The following SMYD3 variants were observed in gnomAD, a reference collection of about 807,000 sequenced individuals.
The protein encoded by SMYD3 is SET and MYND domain containing 3.
Under a neutral mutation model 57.7 loss-of-function variants are expected in SMYD3, and 36 were observed. The observed-to-expected ratio is 0.62, with a 90% CI of 0.48 to 0.82. The LOEUF (loss-of-function observed/expected upper bound fraction) is 0.82. Ranked by LOEUF, SMYD3 falls within the 40% of genes least tolerant of loss-of-function variation. The probability of loss-of-function intolerance (pLI) is 0.00; values close to 1 mark genes in which losing one functional copy is unlikely to be tolerated. For synonymous variants in SMYD3, 211 were observed against 195.0 expected, an observed-to-expected ratio of 1.08 and a Z score of -0.68; for missense variants, 515 against 538.8, an observed-to-expected ratio of 0.96 and a Z score of 0.44.
At chr1:245,847,657 A>G (rs1447833837) in intron 10 of SMYD3, among the ~76,000 whole-genome samples, 1 of 152,198 alleles carries the variant, frequency 6.6e-6, no homozygotes, top group Non-Finnish European at 1.5e-5. Context: ...ACGGAAGCCA[A>G]ACAAGAGACT....
chr1:246,495,348 C>CAAAAA (rs11329443), intron 1 of SMYD3, among the ~76,000 whole-genome samples: 59 of 57,850 alleles, frequency 1.0e-3, no homozygotes, highest in African/African-American at 3.3e-3. Flanking sequence ...GACTCCGTCT[C>CAAAAA]AAAAAAAAAA....
At chr1:246,088,026 A>C (rs112481615) in intron 5 of SMYD3, among the ~76,000 whole-genome samples, 2,199 of 152,268 alleles carry the variant, frequency 0.014, 50 homozygotes, top group African/African-American at 0.049. Flanking sequence ...TCACTTGTTT[A>C]GAATAAATGA....
intron 1 of SMYD3, among the ~76,000 whole-genome samples, chr1:246,492,305 A>G (rs2103069764): frequency 6.6e-6 from 1 of 152,366 alleles, no homozygotes; most frequent in East Asian, 1.9e-4. Context: ...TGATTCGATC[A>G]GTACTGAGTG....
At chr1:246,477,040 T>C (rs1356104438) in intron 1 of SMYD3, among the ~76,000 whole-genome samples, 1 of 152,226 alleles carries the variant, frequency 6.6e-6, no homozygotes, top group Non-Finnish European at 1.5e-5. Context: ...GATTCAGACC[T>C]GACATTTAAA....
Position 246,143,045 on chromosome 1 carries a change from C to T in SMYD3, c.531+184156G>A, listed in dbSNP as rs61370937. On this transcript the variant is annotated intron_variant, in intron 5 of 11. Coordinates refer to ENST00000490107, the MANE Select transcript of SMYD3 (RefSeq NM_001167740.2). ...TTGCCACCACAATGGACAACAAAAT[C>T]TCACTAATGTGAATTAACAGGCAAA... is the stretch of plus-strand genomic sequence containing the variant. 1.4e-4 allele frequency among the ~76,000 whole-genome samples: 21 copies of T among 152,084 alleles called. No homozygotes were observed. In the East Asian group the frequency reaches 4.1e-3, roughly 29 times the overall value.
chr1:246,404,580 A>T (rs990784490), intron 1 of SMYD3, among the ~76,000 whole-genome samples: 1 of 152,212 alleles, frequency 6.6e-6, no homozygotes, highest in African/African-American at 2.4e-5. Flanking sequence ...TTTGCAAGTT[A>T]AAGAGACAGA....
At position 245,885,313 on chromosome 1, in the gene SMYD3, C is replaced by T. The variant is rs930929633; in HGVS notation, c.814-21427G>A. On this transcript the variant is annotated intron_variant, in intron 8 of 11. Transcript: ENST00000490107. ...GAAGTCAGTGAGACCAAGAACCCAC[C>T]GGAAGGAACCAATTCCGGACACACC... 9.2e-5 allele frequency among the ~76,000 whole-genome samples: 14 copies of T among 152,200 alleles called. No individual in the cohort carries two copies. In the East Asian group the frequency reaches 1.2e-3, roughly 13 times the overall value.
At chr1:245,952,845 T>C (rs1396417532) in intron 5 of SMYD3, among the ~76,000 whole-genome samples, 1 of 152,188 alleles carries the variant, frequency 6.6e-6, no homozygotes, top group East Asian at 1.9e-4. Flanking sequence ...ACTCCCCACA[T>C]ACCCTCAAGT....
chr1:245,838,894 C>T (rs938046214), intron 10 of SMYD3, among the ~76,000 whole-genome samples: 1 of 152,198 alleles, frequency 6.6e-6, no homozygotes, highest in Admixed American at 6.5e-5. Context: ...AACCTAAAAT[C>T]TAGAGGCGTT....
At chr1:245,802,582 C>T (rs2047925633) in intron 10 of SMYD3, among the ~76,000 whole-genome samples, 1 of 152,118 alleles carries the variant, frequency 6.6e-6, no homozygotes, top group African/African-American at 2.4e-5. Context: ...CTTCAGCTAC[C>T]CCTGGTTAGT....
In SMYD3 at chr1:245,788,643, T is replaced by C. The variant is rs554591318; in HGVS notation, c.1077-24494A>G. 2.0e-5 allele frequency among the ~76,000 whole-genome samples: 3 copies of C among 152,240 alleles called. No individual in the cohort carries two copies. The East Asian group carries it at 5.8e-4, about 29-fold the overall frequency. On this transcript the variant is annotated intron_variant, in intron 10 of 11. Transcript: ENST00000490107. ...CTCTAAGCCCCTCAGCTCTATCAAG[T>C]TGGGTACACAAAAGGTGCTTAATAA...
chr1:246,197,802 G>C (rs2062849000), intron 5 of SMYD3, among the ~76,000 whole-genome samples: 1 of 152,072 alleles, frequency 6.6e-6, no homozygotes, highest in South Asian at 2.1e-4. Context: ...GGAAAACTGG[G>C]TACAGAATAT....
intron 8 of SMYD3, among the ~76,000 whole-genome samples, chr1:245,895,385 A>G (rs571277138): frequency 6.6e-6 from 1 of 152,210 alleles, no homozygotes; most frequent in Non-Finnish European, 1.5e-5. Context: ...AAAACTTTAG[A>G]AACGGGAAAC....
At position 245,854,204 on chromosome 1, in the gene SMYD3, C is replaced by G. The variant is rs529595820; in HGVS notation, c.1076+4292G>C. ...CAGAAACAACGGAAGTCAACGTCATCTCTTCTCATATTTTCTTGAGGAAAG... is the reference window on the plus strand; with the variant it reads ...CAGAAACAACGGAAGTCAACGTCATGTCTTCTCATATTTTCTTGAGGAAAG... On this transcript the variant is annotated intron_variant, in intron 10 of 11. Transcript: ENST00000490107. Among the ~76,000 whole-genome samples the G allele has an allele frequency of 1.4e-4, 22 of 152,296 alleles. No individual in the cohort carries two copies. The South Asian group carries it at 3.3e-3, about 23-fold the overall frequency.
intron 8 of SMYD3, among the ~76,000 whole-genome samples, chr1:245,868,555 T>G (rs925315852): frequency 6.6e-6 from 1 of 152,138 alleles, no homozygotes; most frequent in Non-Finnish European, 1.5e-5. Flanking sequence ...ACAACTAAAT[T>G]TGCCACCAGT....
chr1:246,046,004 G>C (rs2059957002), intron 5 of SMYD3, among the ~76,000 whole-genome samples: 1 of 152,182 alleles, frequency 6.6e-6, no homozygotes, highest in Non-Finnish European at 1.5e-5. Context: ...TGGAGAAATA[G>C]GAACACTTTT....
At chr1:245,782,318 CACAA>C (rs2046865309) in intron 10 of SMYD3, among the ~76,000 whole-genome samples, 1 of 152,112 alleles carries the variant, frequency 6.6e-6, no homozygotes, top group Non-Finnish European at 1.5e-5. Context: ...TTTGGTAAAG[CACAA>C]ACACATAGCC....
chr1:246,124,181 T>C (rs962778781), intron 5 of SMYD3, among the ~76,000 whole-genome samples: 1 of 152,238 alleles, frequency 6.6e-6, no homozygotes, highest in Admixed American at 6.5e-5. Flanking sequence ...AAACACTCTC[T>C]TTAAAAAGTA....
chr1:246,213,124 G>T (rs754013763), intron 5 of SMYD3, among the ~76,000 whole-genome samples: 44 of 152,258 alleles, frequency 2.9e-4, no homozygotes, highest in Non-Finnish European at 5.3e-4. Flanking sequence ...ATTCTGTCAA[G>T]GGAAATTAGT....
Sources: gnomAD v4.1 joint callset for allele counts (sites outside exome capture counted in the v4.1 genomes callset) on GRCh38, gnomAD v4.1.1 for gene constraint, MANE v1.5 for transcripts, NCBI Gene and HGNC (gene_info 2026-07-23, HGNC 2026-07-21) for gene names.